The following CDK12 variants were observed in gnomAD, a reference collection of about 807,000 sequenced individuals.
CDK12 encodes the protein cyclin dependent kinase 12.
In CDK12, 17 loss-of-function variants were observed where a neutral mutation model predicts 133.8. That is an observed-to-expected ratio of 0.13 (90% CI 0.09 to 0.19). The LOEUF (loss-of-function observed/expected upper bound fraction) is 0.19. Among genes scored for constraint, CDK12 ranks in the 10% least tolerant of loss-of-function variants. The probability of loss-of-function intolerance (pLI) is 1.00; values close to 1 mark genes in which losing one functional copy is unlikely to be tolerated. For missense variants in CDK12, 1,508 were observed against 1,818.7 expected (o/e 0.83, Z 3.11); for synonymous variants, 694 against 683.6 (o/e 1.02, Z -0.24).
intron 13 of CDK12, among the ~76,000 whole-genome samples, chr17:39,527,126 C>T (rs1053459311): frequency 6.6e-6 from 1 of 152,140 alleles, no homozygotes; most frequent in Non-Finnish European, 1.5e-5. Context: ...CATGAAGACC[C>T]CATGAATTGG....
chr17:39,485,408 CTTTTT>C (rs35318849), intron 2 of CDK12, among the ~76,000 whole-genome samples: 1 of 69,832 alleles, frequency 1.4e-5, no homozygotes, highest in Non-Finnish European at 2.7e-5. Context: ...CATCCCCCCC[CTTTTT>C]TTTTTTTTTT....
At chr17:39,514,709 A>G (rs1189654823) in intron 8 of CDK12, among the ~76,000 whole-genome samples, 1 of 152,206 alleles carries the variant, frequency 6.6e-6, no homozygotes, top group African/African-American at 2.4e-5. Flanking sequence ...ACTTTAGTAT[A>G]GCCTTATCAA....
At chr17:39,495,384 G>GTTTGTTT (rs1567730020) in intron 5 of CDK12, among the ~76,000 whole-genome samples, 1 of 110,694 alleles carries the variant, frequency 9.0e-6, no homozygotes. Flanking sequence ...GGCCTCATGT[G>GTTTGTTT]TTTTTTTTTT....
intron 6 of CDK12, 79 bp downstream of exon 6, chr17:39,501,518 T>C: frequency 2.1e-6 from 2 of 954,724 alleles, no homozygotes. Context: ...TAATTGGTAT[T>C]ATAATTAGAC....
chr17:39,527,912 G>A (rs1013309144), intron 13 of CDK12, among the ~76,000 whole-genome samples: 6 of 151,308 alleles, frequency 4.0e-5, no homozygotes, highest in South Asian at 2.1e-4. Context: ...CTGAAAGTCC[G>A]TACTTTTTTT....
chr17:39,563,370 A>C (rs2056451103), intron 3 of CDK12, among the ~76,000 whole-genome samples: 1 of 149,998 alleles, frequency 6.7e-6, no homozygotes, highest in Non-Finnish European at 1.5e-5. Flanking sequence ...CCCACATGTA[A>C]ATATCTGAGA....
chr17:39,544,771 C>T (rs1344692567), upstream of CDK12, among the ~76,000 whole-genome samples: 1 of 151,826 alleles, frequency 6.6e-6, no homozygotes, highest in Non-Finnish European at 1.5e-5. Flanking sequence ...GCTGCGGTTA[C>T]AGGCATGCAC....
chr17:39,471,462 C>G lies in CDK12; in HGVS notation c.1630C>G (p.Pro544Ala), dbSNP rs2049788588. ...CCCACCCCCTCTACCAACTACTACC[C>G]CTCCACCTCAGACACCCCCTTTGCC... ...SPPPPLPTTT[P>A]PPQTPPLPPL... The change falls in exon 2 of 14, where the codon CCT (proline) becomes GCT (alanine). Residue 544 changes from proline to alanine, a missense_variant. Transcript: ENST00000447079. 6.2e-7 allele frequency: 1 copy of G among 1,613,564 alleles called. No individual in the cohort carries two copies. The highest frequency in any genetic ancestry group is 2.2e-5 in the East Asian group (1 of 44,870).
chr17:39,513,000 G>C (rs1367372174), intron 8 of CDK12, among the ~76,000 whole-genome samples: 1 of 152,144 alleles, frequency 6.6e-6, no homozygotes, highest in Non-Finnish European at 1.5e-5. Context: ...GTTATATTTT[G>C]AGTCCTTTTG....
chr17:39,547,065 T>G (rs2055744725), upstream of CDK12, among the ~76,000 whole-genome samples: 1 of 151,644 alleles, frequency 6.6e-6, no homozygotes, highest in African/African-American at 2.4e-5. Flanking sequence ...TTCTGGGGGC[T>G]AGAAATCTGA....
At chr17:39,486,335 C>A (rs2051130895) in intron 2 of CDK12, among the ~76,000 whole-genome samples, 1 of 146,604 alleles carries the variant, frequency 6.8e-6, no homozygotes, top group African/African-American at 2.5e-5. Context: ...AATCATGGCT[C>A]ACTGCAACCT....
At position 39,471,117 on chromosome 17, in the gene CDK12, A is replaced by G. The variant is rs2049758456; in HGVS notation, c.1285A>G (p.Arg429Gly). ...CAAGGGTTCACCTGTATTTTTGCCT[A>G]GAAAAGAGAACAGTTCAGTAGAGGC... ...ESKGSPVFLP[R>G]KENSSVEAKD... Residue 429 changes from arginine to glycine, a missense_variant, in exon 2 of 14, where the codon AGA becomes GGA. By Grantham distance (125) the Arg-to-Gly change is moderately radical (BLOSUM62 -2). Around this residue, in one of 9 missense-constraint regions of CDK12, gnomAD observed 347 missense variants for 330.8 expected, o/e 1.05. Coordinates refer to ENST00000447079, the MANE Select transcript of CDK12 (RefSeq NM_016507.4). 6.2e-7 allele frequency: 1 copy of G among 1,607,780 alleles called. No individual in the cohort carries two copies. Among genetic ancestry groups the G allele is most frequent in the South Asian group, 1.1e-5 (1 of 90,194 alleles).
chr17:39,480,442 T>C (rs4795371), intron 2 of CDK12, among the ~76,000 whole-genome samples: 1 of 151,524 alleles, frequency 6.6e-6, no homozygotes, highest in African/African-American at 2.4e-5. Context: ...GCTAGTTTTT[T>C]TTTTGTTTTG....
chr17:39,475,531 G>A (rs537568860), intron 2 of CDK12, among the ~76,000 whole-genome samples: 5 of 151,532 alleles, frequency 3.3e-5, no homozygotes, highest in South Asian at 2.1e-4. Flanking sequence ...AATTACAGAA[G>A]AGAAGAGAAC....
At chr17:39,481,634 CTCTCTCTCTCTCT>C (rs1567706019) in intron 2 of CDK12, among the ~76,000 whole-genome samples, 3 of 3,908 alleles carry the variant, frequency 7.7e-4, no homozygotes, top group African/African-American at 2.3e-3. Context: ...CGCTCGCGCG[CTCTCTCTCTCTCT>C]CTCTCTCTCT....
chr17:39,502,204 G>A (rs969014657), intron 6 of CDK12, among the ~76,000 whole-genome samples: 13 of 151,782 alleles, frequency 8.6e-5, no homozygotes, highest in African/African-American at 3.1e-4. Context: ...CCAGGCTGGA[G>A]TGCAGTGGCG....
chr17:39,548,173 CAG>C (rs772834738), upstream of CDK12, among the ~76,000 whole-genome samples: 4 of 152,070 alleles, frequency 2.6e-5, no homozygotes, highest in African/African-American at 9.7e-5. Flanking sequence ...TTCTCCAAAA[CAG>C]GGGTCAGAAA....
chr17:39,475,141 G>T (rs1308238071), intron 2 of CDK12, among the ~76,000 whole-genome samples: 1 of 151,918 alleles, frequency 6.6e-6, no homozygotes, highest in African/African-American at 2.4e-5. Flanking sequence ...AACCCAAAAT[G>T]TGATTTTAAA....
At chr17:39,495,978 C>T (rs905292766) in intron 5 of CDK12, among the ~76,000 whole-genome samples, 6 of 151,740 alleles carry the variant, frequency 4.0e-5, no homozygotes, top group Non-Finnish European at 7.4e-5. Flanking sequence ...TTGGCTCGAT[C>T]TTGGCTTACT....
Sources: gnomAD v4.1 joint callset for allele counts (sites outside exome capture counted in the v4.1 genomes callset) on GRCh38, gnomAD v4.1.1 for gene constraint, gnomAD v4.1.1 regional missense constraint, MANE v1.5 for transcripts, NCBI Gene and HGNC (gene_info 2026-07-23, HGNC 2026-07-21) for gene names.